Variants in SGCD observed in about 807,000 individuals in gnomAD.
SGCD encodes delta-sarcoglycan.
SGCD carries 18 observed loss-of-function variants against 36.6 expected under a neutral mutation model. The ratio of observed to expected loss-of-function variants is 0.49; its 90% CI spans 0.34 to 0.73. The LOEUF is 0.73. Among genes scored for constraint, SGCD ranks in the 30% least tolerant of loss-of-function variants. The probability of loss-of-function intolerance (pLI) is 0.01; values close to 1 mark genes in which losing one functional copy is unlikely to be tolerated. For missense variants in SGCD, 387 were observed against 346.7 expected, an observed-to-expected ratio of 1.12 and a Z score of -0.92; for synonymous variants, 133 against 130.6, an observed-to-expected ratio of 1.02 and a Z score of -0.12.
intron 1 of SGCD, among the ~76,000 whole-genome samples, chr5:156,036,256 G>C (rs1434983241): frequency 6.6e-6 from 1 of 152,164 alleles, no homozygotes; most frequent in South Asian, 2.1e-4. Context: ...GCCAAGCAAG[G>C]AGAATCAGGT....
chr5:155,872,525 G>A (rs1289215981), intron 1 of SGCD, among the ~76,000 whole-genome samples: 1 of 152,158 alleles, frequency 6.6e-6, no homozygotes, highest in Non-Finnish European at 1.5e-5. Flanking sequence ...AAGTGACTTT[G>A]AATAGAATTC....
intron 1 of SGCD, among the ~76,000 whole-genome samples, chr5:155,956,801 C>A (rs1034251703): frequency 6.7e-6 from 1 of 150,124 alleles, no homozygotes; most frequent in Non-Finnish European, 1.5e-5. Context: ...CTCAGGGCCC[C>A]CCCCCCCGGT....
chr5:155,831,747 G>C, the SGCD span, among the ~76,000 whole-genome samples: 2 of 152,194 alleles, frequency 1.3e-5, no homozygotes, highest in African/African-American at 4.8e-5. Context: ...GTAGAATCAT[G>C]ATCTCACTTA....
chr5:156,197,472 CTTTT>C (rs368116194), intron 3 of SGCD, among the ~76,000 whole-genome samples: 2 of 133,994 alleles, frequency 1.5e-5, no homozygotes, highest in African/African-American at 2.7e-5. Context: ...AATAGTTTTC[CTTTT>C]TTTTTTTTTT....
At chr5:156,561,842 T>A (rs1009238381) in intron 4 of SGCD, among the ~76,000 whole-genome samples, 1 of 152,198 alleles carries the variant, frequency 6.6e-6, no homozygotes, top group Non-Finnish European at 1.5e-5. Context: ...ACTCTCACAT[T>A]CATGATCTTG....
intron 1 of SGCD, among the ~76,000 whole-genome samples, chr5:156,068,581 A>G (rs1273344758): frequency 2.0e-5 from 3 of 151,822 alleles, no homozygotes; most frequent in African/African-American, 7.3e-5. Flanking sequence ...CGCAGTATAC[A>G]TATGTGTGCA....
intron 3 of SGCD, among the ~76,000 whole-genome samples, chr5:156,409,045 C>A (rs1772594811): frequency 6.6e-6 from 1 of 152,176 alleles, no homozygotes; most frequent in African/African-American, 2.4e-5. Flanking sequence ...AAAATGCTTA[C>A]AAAAATATAC....
chr5:156,547,210 G>A (rs1384605212), intron 4 of SGCD, among the ~76,000 whole-genome samples: 5 of 152,020 alleles, frequency 3.3e-5, no homozygotes, highest in Non-Finnish European at 5.9e-5. Flanking sequence ...CTTTTGTGGG[G>A]ACTGTCCTTT....
At chr5:155,770,454 A>G in the SGCD span, among the ~76,000 whole-genome samples, 2 of 152,186 alleles carry the variant, frequency 1.3e-5, no homozygotes, top group African/African-American at 4.8e-5. Context: ...GAAAATGCTT[A>G]GCTGTATAAA....
At chr5:156,144,421 A>C (rs559408075) in intron 3 of SGCD, among the ~76,000 whole-genome samples, 1 of 152,122 alleles carries the variant, frequency 6.6e-6, no homozygotes, top group Non-Finnish European at 1.5e-5. Flanking sequence ...CTTCTTAATG[A>C]TTGCCATTCT....
At chr5:156,344,774 AG>A in intron 3 of SGCD, 97 bp downstream of exon 3, 1 of 888,314 alleles carries the variant, frequency 1.1e-6, no homozygotes, top group South Asian at 1.8e-5. Flanking sequence ...TTATTACAGT[AG>A]GACTCAAAAA....
intron 1 of SGCD, among the ~76,000 whole-genome samples, chr5:155,972,229 A>G (rs1424672159): frequency 2.0e-5 from 3 of 152,206 alleles, no homozygotes; most frequent in South Asian, 2.1e-4. Context: ...AGAAATGTAC[A>G]CTGCATAGTG....
At chr5:156,126,092 G>A (rs945727644) in intron 3 of SGCD, among the ~76,000 whole-genome samples, 2 of 151,944 alleles carry the variant, frequency 1.3e-5, no homozygotes, top group South Asian at 2.1e-4. Context: ...TATTGTCCAC[G>A]CTGGTCTCGA....
chr5:156,290,325 G>A (rs1371447012), intron 3 of SGCD, among the ~76,000 whole-genome samples: 5 of 152,064 alleles, frequency 3.3e-5, no homozygotes, highest in Non-Finnish European at 5.9e-5. Flanking sequence ...TAACCAAGAC[G>A]GTTCCACAGT....
intron 7 of SGCD, among the ~76,000 whole-genome samples, chr5:156,689,227 A>G (rs993325739): frequency 6.6e-6 from 1 of 152,176 alleles, no homozygotes; most frequent in Non-Finnish European, 1.5e-5. Flanking sequence ...TCCCTGCACT[A>G]TTTTTACAAC....
chr5:156,285,720 C>T (rs1156563567), intron 3 of SGCD, among the ~76,000 whole-genome samples: 3 of 152,068 alleles, frequency 2.0e-5, no homozygotes, highest in Non-Finnish European at 4.4e-5. Flanking sequence ...CCATAAAAAC[C>T]CTAGAAGAAA....
intron 7 of SGCD, among the ~76,000 whole-genome samples, chr5:156,651,590 T>C (rs1044792775): frequency 2.6e-5 from 4 of 152,120 alleles, no homozygotes; most frequent in South Asian, 2.1e-4. Flanking sequence ...GTTGACTTTG[T>C]CAAAGATTAA....
upstream of SGCD, among the ~76,000 whole-genome samples, chr5:156,324,976 A>G (rs1428792952): frequency 1.3e-5 from 2 of 152,100 alleles, no homozygotes; most frequent in Non-Finnish European, 2.9e-5. Context: ...CCAAACATGA[A>G]CATTGTAATT....
intron 3 of SGCD, among the ~76,000 whole-genome samples, chr5:156,185,826 T>G: frequency 1.8e-5 from 1 of 54,414 alleles, no homozygotes; most frequent in Non-Finnish European, 3.6e-5. Flanking sequence ...CATATATATG[T>G]GTGTGTGTAT....
Sources: allele counts gnomAD v4.1 joint callset (sites outside exome capture counted in the v4.1 genomes callset), GRCh38; gene constraint gnomAD v4.1.1; transcripts MANE v1.5; gene names NCBI Gene and HGNC (gene_info 2026-07-23, HGNC 2026-07-21).